The following PATJ variants were observed in gnomAD, a reference collection of about 807,000 sequenced individuals.
PATJ encodes PATJ crumbs cell polarity complex component.
Under a neutral mutation model 224.9 loss-of-function variants are expected in PATJ, and 190 were observed. The observed-to-expected ratio is 0.84, with a 90% confidence interval of 0.75 to 0.95. The LOEUF is 0.95. Ranked by LOEUF, PATJ falls within the 40% of genes least tolerant of loss-of-function variation. The pLI is 0.00. For missense variants in PATJ, 2,121 were observed against 2,270.3 expected (o/e 0.93, Z 1.34); for synonymous variants, 769 against 820.3 (o/e 0.94, Z 1.07).
chr1:62,081,204 T>G (rs890043158), intron 32 of PATJ, among the ~76,000 whole-genome samples: 1 of 152,208 alleles, frequency 6.6e-6, no homozygotes, highest in African/African-American at 2.4e-5. Context: ...ATATCACATA[T>G]TTATACTTAG....
At chr1:61,793,692 C>A (rs1278027013) in intron 9 of PATJ, among the ~76,000 whole-genome samples, 1 of 142,742 alleles carries the variant, frequency 7.0e-6, no homozygotes, top group Non-Finnish European at 1.5e-5. Context: ...CACCAACCTG[C>A]AACCTGGGCA....
chr1:62,043,333 C>T (rs1372922458), intron 30 of PATJ, among the ~76,000 whole-genome samples: 1 of 152,198 alleles, frequency 6.6e-6, no homozygotes, highest in Non-Finnish European at 1.5e-5. Flanking sequence ...GTGATGTGAA[C>T]ATAAGCTTGG....
intron 16 of PATJ, among the ~76,000 whole-genome samples, chr1:61,828,842 A>G (rs996223039): frequency 6.6e-6 from 1 of 152,158 alleles, no homozygotes; most frequent in Non-Finnish European, 1.5e-5. Context: ...TCTGGATTTC[A>G]GTATACATGA....
chr1:62,155,781 G>A (rs1292329962), intron 43 of PATJ, among the ~76,000 whole-genome samples: 2 of 151,814 alleles, frequency 1.3e-5, no homozygotes, highest in Non-Finnish European at 2.9e-5. Context: ...TTCCAGGCCG[G>A]GTGCGGTGGC....
At chr1:61,749,127 C>CTGAGGCAGGAGAATCGCCTGA (rs1645185085) in intron 1 of PATJ, among the ~76,000 whole-genome samples, 1 of 151,858 alleles carries the variant, frequency 6.6e-6, no homozygotes, top group Non-Finnish European at 1.5e-5. Context: ...AGGTGCCCGC[C>CTGAGGCAGGAGAATCGCCTGA]ACCACGCCCA....
At chr1:61,799,332 AC>A (rs1325231412) in intron 11 of PATJ, among the ~76,000 whole-genome samples, 2 of 152,074 alleles carry the variant, frequency 1.3e-5, no homozygotes. Flanking sequence ...AGCTGGAATT[AC>A]AGGCGCTGCC....
At position 61,871,894 on chromosome 1, in the gene PATJ, C is replaced by T. The variant is rs1372733220; in HGVS notation, c.2836-3349C>T. ...TTTTTTTTTGTATTTTTAGTAGAGA[C>T]GGGGTTTCTCCATGTTGGTCAGGCT... On this transcript the variant is annotated intron_variant, in intron 20 of 43. Transcript: ENST00000642238. Among the ~76,000 whole-genome samples, 9 of 140,062 alleles carry T rather than the reference C, an allele frequency of 6.4e-5. No homozygotes were observed. The East Asian group carries it at 6.4e-4, about 10-fold the overall frequency. The allele number at this position is 140,062 out of a possible 152,430, so 91.9% of individuals were successfully genotyped here.
chr1:61,889,655 C>A (rs941788302), intron 22 of PATJ, among the ~76,000 whole-genome samples: 2 of 152,226 alleles, frequency 1.3e-5, no homozygotes, highest in African/African-American at 4.8e-5. Flanking sequence ...TGAGTGACTT[C>A]TGCGCAGGCA....
At chr1:61,929,250 CCA>C (rs1427014664) in intron 27 of PATJ, among the ~76,000 whole-genome samples, 1 of 152,154 alleles carries the variant, frequency 6.6e-6, no homozygotes, top group East Asian at 1.9e-4. Context: ...CAGTATTTGC[CCA>C]GTTATTGGGA....
intron 37 of PATJ, chr1:62,120,905 A>G (rs1283752051): frequency 5.7e-6 from 2 of 351,432 alleles, no homozygotes; most frequent in Non-Finnish European, 1.0e-5. Flanking sequence ...TGGAGCAAGA[A>G]CAGCTGAAAT....
At chr1:61,765,340 G>T (rs1476109834) in intron 3 of PATJ, among the ~76,000 whole-genome samples, 1 of 150,940 alleles carries the variant, frequency 6.6e-6, no homozygotes, top group Admixed American at 6.6e-5. Flanking sequence ...ATCTCCCAAA[G>T]TGCTGGGATT....
chr1:61,988,842 A>G (rs943441161), intron 27 of PATJ, among the ~76,000 whole-genome samples: 1 of 152,242 alleles, frequency 6.6e-6, no homozygotes, highest in East Asian at 1.9e-4. Context: ...ACCTTAAGAC[A>G]AATGATTTGA....
intron 28 of PATJ, among the ~76,000 whole-genome samples, chr1:61,998,786 T>C (rs1645571287): frequency 6.6e-6 from 1 of 152,188 alleles, no homozygotes; most frequent in Non-Finnish European, 1.5e-5. Flanking sequence ...CTTTTTTGTT[T>C]CCTGCTGTGA....
chr1:61,893,018 T>A (rs1669822636), intron 22 of PATJ, among the ~76,000 whole-genome samples: 1 of 152,198 alleles, frequency 6.6e-6, no homozygotes, highest in Non-Finnish European at 1.5e-5. Context: ...TTGTGCAAAT[T>A]TACATCTTAA....
At chr1:62,014,756 A>G (rs926068344) in intron 28 of PATJ, among the ~76,000 whole-genome samples, 1 of 151,752 alleles carries the variant, frequency 6.6e-6, no homozygotes, top group Admixed American at 6.6e-5. Flanking sequence ...TTGTCAAGAC[A>G]GGGTTTCACC....
intron 17 of PATJ, among the ~76,000 whole-genome samples, chr1:61,854,629 G>C (rs1232636129): frequency 6.6e-6 from 1 of 152,142 alleles, no homozygotes; most frequent in African/African-American, 2.4e-5. Flanking sequence ...ATATACGCTG[G>C]GTGATATTGG....
chr1:61,912,603 C>A (rs1424540641), intron 25 of PATJ, among the ~76,000 whole-genome samples: 1 of 146,354 alleles, frequency 6.8e-6, no homozygotes, highest in East Asian at 2.0e-4. Context: ...TCTGTCTCAA[C>A]GAATGAACAA....
chr1:61,942,574 G>A (rs2149349157), intron 27 of PATJ, among the ~76,000 whole-genome samples: 1 of 150,930 alleles, frequency 6.6e-6, no homozygotes, highest in East Asian at 1.9e-4. Context: ...TTTTTAAGAG[G>A]GAGTCTCACT....
chr1:61,964,708 G>A (rs1023814524), intron 27 of PATJ, among the ~76,000 whole-genome samples: 1 of 151,970 alleles, frequency 6.6e-6, no homozygotes, highest in Non-Finnish European at 1.5e-5. Context: ...AGGTTCACTT[G>A]AGCTCAGAAA....
Sources: allele counts gnomAD v4.1 joint callset (sites outside exome capture counted in the v4.1 genomes callset), GRCh38; gene constraint gnomAD v4.1.1; transcripts MANE v1.5; gene names NCBI Gene and HGNC (gene_info 2026-07-23, HGNC 2026-07-21).